NR3C2: variants seen among roughly 807,000 people sequenced by gnomAD.
NR3C2 encodes nuclear receptor subfamily 3 group C member 2, also known as mineralocorticoid receptor.
NR3C2 carries 15 observed loss-of-function variants against 86.4 expected under a neutral mutation model. The ratio of observed to expected loss-of-function variants is 0.17; its 90% confidence interval spans 0.12 to 0.27. The LOEUF (loss-of-function observed/expected upper bound fraction) is 0.27. NR3C2 is among the 10% of genes least tolerant of loss of function. NR3C2 has a pLI of 1.00. For missense variants in NR3C2, 960 were observed against 1,195.6 expected, an observed-to-expected ratio of 0.80 and a Z score of 2.91; for synonymous variants, 458 against 450.5, an observed-to-expected ratio of 1.02 and a Z score of -0.21.
intron 2 of NR3C2, among the ~76,000 whole-genome samples, chr4:148,267,939 GTTT>G (rs71594257): frequency 8.6e-6 from 1 of 116,502 alleles, no homozygotes; most frequent in Admixed American, 9.4e-5. Flanking sequence ...GAGTCACAGT[GTTT>G]TTTTTTTTTT....
chr4:148,393,628 C>T (rs1747704406), intron 2 of NR3C2, among the ~76,000 whole-genome samples: 1 of 151,942 alleles, frequency 6.6e-6, no homozygotes. Flanking sequence ...GATGGAAGCC[C>T]GGTATTACCA....
At chr4:148,405,399 T>C (rs924562630) in intron 2 of NR3C2, among the ~76,000 whole-genome samples, 2 of 152,224 alleles carry the variant, frequency 1.3e-5, no homozygotes, top group Non-Finnish European at 2.9e-5. Flanking sequence ...GTTCAAGGCA[T>C]ACCTGTCCAC....
At chr4:148,144,253 G>A (rs1418832584) in intron 6 of NR3C2, among the ~76,000 whole-genome samples, 1 of 152,088 alleles carries the variant, frequency 6.6e-6, no homozygotes, top group Non-Finnish European at 1.5e-5. Context: ...CACCCAGGCT[G>A]GGGTGCAGTG....
At chr4:148,417,303 G>A (rs1159623048) in intron 2 of NR3C2, among the ~76,000 whole-genome samples, 1 of 152,134 alleles carries the variant, frequency 6.6e-6, no homozygotes, top group African/African-American at 2.4e-5. Flanking sequence ...GTGTATGCAT[G>A]CGTGCACACA....
intron 2 of NR3C2, among the ~76,000 whole-genome samples, chr4:148,316,244 CATATA>C (rs1743166197): frequency 6.6e-6 from 1 of 152,074 alleles, no homozygotes; most frequent in African/African-American, 2.4e-5. Context: ...TAAGGAAATA[CATATA>C]ATATAGTGGT....
At chr4:148,308,604 G>C (rs1349045257) in intron 2 of NR3C2, among the ~76,000 whole-genome samples, 2 of 152,136 alleles carry the variant, frequency 1.3e-5, no homozygotes, top group Admixed American at 1.3e-4. Context: ...GGGGCAATTG[G>C]GGAGAGATTT....
intron 2 of NR3C2, among the ~76,000 whole-genome samples, chr4:148,275,385 T>C (rs1740908370): frequency 6.6e-6 from 1 of 152,100 alleles, no homozygotes; most frequent in Non-Finnish European, 1.5e-5. Context: ...AAGAAGACAT[T>C]ATGAGGAATT....
chr4:148,287,648 GGT>G (rs771688549), intron 2 of NR3C2, among the ~76,000 whole-genome samples: 39 of 152,082 alleles, frequency 2.6e-4, no homozygotes, highest in Non-Finnish European at 4.1e-4. Context: ...AAAACAATCA[GGT>G]ACCATATTAT....
intron 2 of NR3C2, among the ~76,000 whole-genome samples, chr4:148,279,100 T>A (rs1579099415): frequency 6.6e-6 from 1 of 152,004 alleles, no homozygotes; most frequent in African/African-American, 2.4e-5. Context: ...GAGGCGGAGG[T>A]TGCAGTGAGC....
rs538411224 is a variant in NR3C2, at chr4:148,319,444, T to C, written c.1758-59327A>G. On this transcript the variant is annotated intron_variant, in intron 2 of 8. Coordinates refer to ENST00000358102, the MANE Select transcript of NR3C2 (RefSeq NM_000901.5). ...CATTGGTAGCTTGATGGGGATGGCATTGAATCTATAAATTACCTTGGGCAG... is the reference window on the plus strand; with the variant it reads ...CATTGGTAGCTTGATGGGGATGGCACTGAATCTATAAATTACCTTGGGCAG... 6.7e-3 allele frequency among the ~76,000 whole-genome samples: 1,016 copies of C among 152,052 alleles called. 11 individuals carry two copies. The highest frequency in any genetic ancestry group is 0.023 in the African/African-American group (962 of 41,464).
chr4:148,235,961 A>G (rs1738730083), intron 3 of NR3C2, among the ~76,000 whole-genome samples: 1 of 152,124 alleles, frequency 6.6e-6, no homozygotes, highest in Admixed American at 6.5e-5. Context: ...TCTTTTCCAT[A>G]TATCTTCTCC....
At chr4:148,358,472 G>A (rs1236614081) in intron 2 of NR3C2, among the ~76,000 whole-genome samples, 1 of 139,580 alleles carries the variant, frequency 7.2e-6, no homozygotes, top group African/African-American at 2.7e-5. Flanking sequence ...GGGCTGTGGT[G>A]GGGTGGGGGG....
chr4:148,395,134 G>A (rs754737323), intron 2 of NR3C2, among the ~76,000 whole-genome samples: 5 of 151,820 alleles, frequency 3.3e-5, no homozygotes, highest in South Asian at 4.2e-4. Flanking sequence ...AAATACACAC[G>A]TGTGTGTATG....
chr4:148,238,397 A>G (rs1738848680), intron 3 of NR3C2, among the ~76,000 whole-genome samples: 1 of 152,198 alleles, frequency 6.6e-6, no homozygotes, highest in South Asian at 2.1e-4. Context: ...TTGCCAGACA[A>G]ACGAGAGGTC....
intron 2 of NR3C2, among the ~76,000 whole-genome samples, chr4:148,417,957 T>C (rs1749092947): frequency 6.6e-6 from 1 of 152,300 alleles, no homozygotes; most frequent in East Asian, 1.9e-4. Flanking sequence ...TCTCAGGCTT[T>C]CCTCTAAAGC....
At chr4:148,439,860 T>A (rs532557464) in intron 1 of NR3C2, among the ~76,000 whole-genome samples, 1 of 152,138 alleles carries the variant, frequency 6.6e-6, no homozygotes, top group African/African-American at 2.4e-5. Flanking sequence ...ATACTGGAGA[T>A]GATGGGTACC....
intron 2 of NR3C2, among the ~76,000 whole-genome samples, chr4:148,426,266 C>CT (rs1749524897): frequency 6.6e-6 from 1 of 152,318 alleles, no homozygotes; most frequent in Non-Finnish European, 1.5e-5. Context: ...AATCCAATCC[C>CT]TTCTTGAAAA....
At chr4:148,232,376 G>C (rs181876133) in intron 3 of NR3C2, among the ~76,000 whole-genome samples, 4 of 152,312 alleles carry the variant, frequency 2.6e-5, no homozygotes, top group Admixed American at 2.6e-4. Context: ...CTGCATTAGA[G>C]TTCTTTGGTG....
In NR3C2 at chr4:148,201,722, A is replaced by C. The variant is rs956842166; in HGVS notation, c.1898-6860T>G. On this transcript the variant is annotated intron_variant, in intron 3 of 8. Transcript: ENST00000358102. Reference sequence around the variant, plus strand: ...CCCCATTACTTTTCTTTTAAGTCTTAGAAGGGAGTCTCATTTCTGTTTTTC... The same window carrying C: ...CCCCATTACTTTTCTTTTAAGTCTTCGAAGGGAGTCTCATTTCTGTTTTTC... Among the ~76,000 whole-genome samples the C allele has an allele frequency of 2.0e-5, 3 of 152,182 alleles. No individual in the cohort carries two copies. The East Asian group carries it at 5.8e-4, about 29-fold the overall frequency.
Sources: allele counts gnomAD v4.1 joint callset (sites outside exome capture counted in the v4.1 genomes callset), GRCh38; gene constraint gnomAD v4.1.1; transcripts MANE v1.5; gene names NCBI Gene and HGNC (gene_info 2026-07-23, HGNC 2026-07-21).